Variants in YWHAZ observed in about 807,000 individuals in gnomAD.
YWHAZ encodes tyrosine 3-monooxygenase/tryptophan 5-monooxygenase activation protein zeta, also known as 14-3-3 protein zeta/delta.
For synonymous variants in YWHAZ, 87 were observed against 103.6 expected, an observed-to-expected ratio of 0.84 and a Z score of 0.97; for missense variants, 79 against 284.8, an observed-to-expected ratio of 0.28 and a Z score of 5.20.
intron 1 of YWHAZ, 144 bp downstream of exon 1, chr8:100,951,785 G>A (rs964557861): frequency 2.0e-6 from 2 of 985,208 alleles, no homozygotes; most frequent in Admixed American, 6.1e-5. Context: ...CGCCGCCCGT[G>A]TCCGCTGAGG....
rs1327809954 is a variant in YWHAZ at position 100,925,009 on chromosome 8, C to G, written c.325G>C (p.Ala109Pro). The change falls in exon 3 of 6, where the codon GCT (alanine) becomes CCT (proline). Residue 109 changes from alanine (A) to proline (P), a missense_variant. Coordinates refer to ENST00000395958, the MANE Select transcript of YWHAZ (RefSeq NM_145690.3). ...AAGACTTTGCTCTCTGCTTGTGAAGCATTGGGGATCAAGAACTTTTCCAAA... is the reference window on the plus strand; with the variant it reads ...AAGACTTTGCTCTCTGCTTGTGAAGGATTGGGGATCAAGAACTTTTCCAAA... ...SLLEKFLIPN[A>P]SQAESKVFYL... The G allele has an allele frequency of 6.2e-7, 1 of 1,613,790 alleles. No individual in the cohort carries two copies. Among genetic ancestry groups the G allele is most frequent in the Non-Finnish European group, 8.5e-7 (1 of 1,179,890 alleles).
At chr8:100,952,123 A>T, upstream of YWHAZ, 10 of 986,330 alleles carry the variant, frequency 1.0e-5, no homozygotes, top group Non-Finnish European at 1.2e-5. Flanking sequence ...ATGACGTCAA[A>T]CGCTGCTATG....
At chr8:100,947,185 C>T (rs1237937149) in intron 2 of YWHAZ, among the ~76,000 whole-genome samples, 16 of 148,318 alleles carry the variant, frequency 1.1e-4, no homozygotes, top group Non-Finnish European at 2.2e-4. Context: ...ACCCGGGAGG[C>T]GGAGCTTGCA....
intron 2 of YWHAZ, among the ~76,000 whole-genome samples, chr8:100,930,121 C>T (rs748418370): frequency 3.9e-5 from 6 of 152,158 alleles, no homozygotes; most frequent in Non-Finnish European, 5.9e-5. Context: ...GTATTTAGAA[C>T]GAAGTCTCGC....
At chr8:100,951,887 C>T (rs1187072511) in intron 1 of YWHAZ, 42 bp downstream of exon 1, 4 of 992,132 alleles carry the variant, frequency 4.0e-6, no homozygotes, top group South Asian at 4.3e-5. Flanking sequence ...GAAGGCTGGC[C>T]TGGGACAGGA....
chr8:100,927,805 G>A (rs1035914596), intron 2 of YWHAZ, among the ~76,000 whole-genome samples: 1 of 152,168 alleles, frequency 6.6e-6, no homozygotes, highest in East Asian at 1.9e-4. Flanking sequence ...TGGCAGTTAA[G>A]CACTTCTTTC....
chr8:100,943,188 T>C (rs1009884553), intron 2 of YWHAZ, among the ~76,000 whole-genome samples: 11 of 152,208 alleles, frequency 7.2e-5, no homozygotes, highest in African/African-American at 2.4e-4. Flanking sequence ...TTTGAGTATA[T>C]TGAAACTGAC....
intron 2 of YWHAZ, 64 bp from the exon 3 acceptor site, chr8:100,925,103 T>C: frequency 6.6e-7 from 1 of 1,515,902 alleles, no homozygotes; most frequent in Non-Finnish European, 8.9e-7. Context: ...AGAACTTGCA[T>C]TTCTTAAAGA....
rs1005791028 is a variant in YWHAZ, at chr8:100,917,368, T to C, written c.*3325A>G. The C allele has an allele frequency of 7.2e-5, 11 of 152,332 alleles. No homozygotes were observed. The highest frequency in any genetic ancestry group is 2.6e-4 in the African/African-American group (11 of 41,532). The allele number at this position is 152,332 out of a possible 1,614,324, so 9.4% of individuals were successfully genotyped here. ...GAGCTGCAGGAAAGCCCATCGTTTT[T>C]ACTAATCACACTGCTGCTCCACTTT... On this transcript the variant is annotated 3_prime_UTR_variant, in exon 6 of 6. Transcript: ENST00000395958.
Position 100,946,410 on chromosome 8 carries a change from C to T in YWHAZ, c.294+2186G>A, listed in dbSNP as rs141343321. 1.6e-3 allele frequency among the ~76,000 whole-genome samples: 236 copies of T among 152,198 alleles called. 2 individuals carry two copies. The highest frequency in any genetic ancestry group is 4.5e-3 in the African/African-American group (189 of 41,544). On this transcript the variant is annotated intron_variant, in intron 2 of 5. Transcript: ENST00000395958. ...ACTAAAAGTACAAAAATTAGCTGGG[C>T]GTGCTGGTGCACGCCCAGTAATCCC...
chr8:100,945,180 CATAAT>C (rs1810173503), intron 2 of YWHAZ, among the ~76,000 whole-genome samples: 1 of 152,290 alleles, frequency 6.6e-6, no homozygotes, highest in South Asian at 2.1e-4. Flanking sequence ...AGTTCTTTTA[CATAAT>C]GCAAAGTCCA....
chr8:100,946,341 T>G lies in YWHAZ; in HGVS notation c.294+2255A>C, dbSNP rs1810265851. ...ATCACCTGAGGTCAAGAGTTAGACG[T>G]GACCTGGTCACCAGCCTGGCCGACA... On this transcript the variant is annotated intron_variant, in intron 2 of 5. Coordinates refer to ENST00000395958, the MANE Select transcript of YWHAZ (RefSeq NM_145690.3). Among the ~76,000 whole-genome samples the G allele has an allele frequency of 2.0e-5, 3 of 152,154 alleles. No homozygotes were observed. The South Asian group carries it at 6.2e-4, about 32-fold the overall frequency.
intron 2 of YWHAZ, among the ~76,000 whole-genome samples, chr8:100,927,371 A>G (rs529554997): frequency 6.6e-6 from 1 of 152,294 alleles, no homozygotes; most frequent in East Asian, 1.9e-4. Flanking sequence ...AAAAAATTTA[A>G]AAGTTAACCA....
chr8:100,936,062 T>C (rs1160842368), intron 2 of YWHAZ, among the ~76,000 whole-genome samples: 1 of 152,196 alleles, frequency 6.6e-6, no homozygotes, highest in Non-Finnish European at 1.5e-5. Flanking sequence ...ACCTCAGTCC[T>C]GAAGAATAGC....
chr8:100,936,265 T>C (rs999466052), intron 2 of YWHAZ, among the ~76,000 whole-genome samples: 5 of 152,232 alleles, frequency 3.3e-5, no homozygotes. Flanking sequence ...AAAAGCACTT[T>C]GGCAAAATAA....
chr8:100,927,733 T>C (rs770661561), intron 2 of YWHAZ, among the ~76,000 whole-genome samples: 101 of 152,390 alleles, frequency 6.6e-4, no homozygotes, highest in Non-Finnish European at 5.4e-4. Flanking sequence ...ATCTATCTTT[T>C]GTAGGTAGTA....
intron 2 of YWHAZ, among the ~76,000 whole-genome samples, chr8:100,945,979 G>A (rs896259233): frequency 6.6e-6 from 1 of 152,042 alleles, no homozygotes; most frequent in African/African-American, 2.4e-5. Context: ...AGCTTGTTTA[G>A]AATTCTCTTC....
chr8:100,925,063 T>G, intron 2 of YWHAZ, 24 bp from the exon 3 acceptor site: 1 of 1,593,314 alleles, frequency 6.3e-7, no homozygotes, highest in East Asian at 2.2e-5. Flanking sequence ...GAAACAGACA[T>G]AGTGAGAATA....
At chr8:100,951,261 G>GGGCTCCGGCCCGCTCTCGGCCAGGCCTT in intron 1 of YWHAZ, 1 of 984,812 alleles carries the variant, frequency 1.0e-6, no homozygotes, top group South Asian at 4.7e-5. Flanking sequence ...CGCCAGGCCT[G>GGGCTCCGGCCCGCTCTCGGCCAGGCCTT]GGCTCCGGCC....
Sources: allele counts gnomAD v4.1 joint callset (sites outside exome capture counted in the v4.1 genomes callset), GRCh38; gene constraint gnomAD v4.1.1; transcripts MANE v1.5; gene names NCBI Gene and HGNC (gene_info 2026-07-23, HGNC 2026-07-21).